The following CDK19 variants were observed in gnomAD, a reference collection of about 807,000 sequenced individuals.
CDK19 encodes the protein cyclin dependent kinase 19.
A neutral mutation model predicts 68.3 loss-of-function variants in CDK19; 20 were observed. That is an observed-to-expected ratio of 0.29 (90% CI 0.21 to 0.43). CDK19 has a LOEUF of 0.43. Among genes scored for constraint, CDK19 ranks in the 20% least tolerant of loss-of-function variants. The pLI is 1.00. For synonymous variants in CDK19, 221 were observed against 222.8 expected (o/e 0.99, Z 0.07); for missense variants, 339 against 623.5 (o/e 0.54, Z 4.86).
intron 2 of CDK19, among the ~76,000 whole-genome samples, chr6:110,708,912 G>A (rs978850395): frequency 1.3e-5 from 2 of 152,078 alleles, no homozygotes; most frequent in Admixed American, 6.6e-5. Flanking sequence ...TAAGAAATAA[G>A]CACCTAGAAA....
At chr6:110,800,672 C>G (rs1782280997) in intron 1 of CDK19, among the ~76,000 whole-genome samples, 1 of 152,200 alleles carries the variant, frequency 6.6e-6, no homozygotes, top group East Asian at 1.9e-4. Flanking sequence ...ATGTGATTCA[C>G]CACATAAACA....
chr6:110,808,218 C>T (rs1466525309), intron 1 of CDK19, among the ~76,000 whole-genome samples: 1 of 152,208 alleles, frequency 6.6e-6, no homozygotes, highest in Non-Finnish European at 1.5e-5. Flanking sequence ...TCTAATCACA[C>T]TAACTACATT....
intron 2 of CDK19, among the ~76,000 whole-genome samples, chr6:110,692,535 G>C (rs1401734595): frequency 1.3e-5 from 2 of 152,104 alleles, no homozygotes; most frequent in Admixed American, 1.3e-4. Context: ...TGAGGGAGAA[G>C]AGACAATAAA....
At chr6:110,722,680 G>A (rs1337652700) in intron 2 of CDK19, among the ~76,000 whole-genome samples, 1 of 151,836 alleles carries the variant, frequency 6.6e-6, no homozygotes, top group Non-Finnish European at 1.5e-5. Context: ...AGAATTCCTA[G>A]CCTAGGCAAC....
At chr6:110,692,890 G>A (rs187814956) in intron 2 of CDK19, among the ~76,000 whole-genome samples, 1 of 152,144 alleles carries the variant, frequency 6.6e-6, no homozygotes, top group Non-Finnish European at 1.5e-5. Context: ...CCAGCTACTT[G>A]GGAGGCTGAG....
chr6:110,667,304 C>A, intron 4 of CDK19, 130 bp downstream of exon 4: 1 of 580,132 alleles, frequency 1.7e-6, no homozygotes, highest in Non-Finnish European at 2.9e-6. Flanking sequence ...TTTTTATCTT[C>A]TTTTTTGCTT....
chr6:110,799,730 T>C (rs1049013702), intron 1 of CDK19, among the ~76,000 whole-genome samples: 1 of 152,086 alleles, frequency 6.6e-6, no homozygotes, highest in Non-Finnish European at 1.5e-5. Context: ...CCAAGTTAGC[T>C]AGGACCACAG....
chr6:110,812,085 A>C (rs775508614), intron 1 of CDK19, among the ~76,000 whole-genome samples: 44 of 152,216 alleles, frequency 2.9e-4, no homozygotes, highest in Middle Eastern at 6.8e-3. Context: ...GTTGGGTCAA[A>C]AGCCTCTCTT....
intron 6 of CDK19, among the ~76,000 whole-genome samples, chr6:110,627,354 GTA>G (rs141776550): frequency 6.6e-6 from 1 of 151,346 alleles, no homozygotes; most frequent in Non-Finnish European, 1.5e-5. Flanking sequence ...GTGTGTATGT[GTA>G]TATATATATA....
rs552178918 is a variant in CDK19, at chr6:110,729,364, C to T, written c.204+16762G>A. Among the ~76,000 whole-genome samples, 216 of 152,232 alleles carry T rather than the reference C, an allele frequency of 1.4e-3. 1 individual carries two copies. Among genetic ancestry groups the T allele is most frequent in the African/African-American group, 4.7e-3 (196 of 41,558 alleles). On this transcript the variant is annotated intron_variant, in intron 2 of 12. Transcript: ENST00000368911. The stretch of plus-strand genomic sequence containing the variant: ...ACTCATACTATGATAAATATTAAGA[C>T]ACTTTTACACTAAGATAAAGAACAG...
intron 1 of CDK19, among the ~76,000 whole-genome samples, chr6:110,759,428 A>AAAAT (rs1275389842): frequency 1.0e-3 from 51 of 50,870 alleles, no homozygotes; most frequent in African/African-American, 2.6e-3. Flanking sequence ...AAAAAAAAAA[A>AAAAT]ATATATATAT....
At chr6:110,752,751 GGA>G (rs1406732119) in intron 1 of CDK19, among the ~76,000 whole-genome samples, 1 of 151,554 alleles carries the variant, frequency 6.6e-6, no homozygotes, top group African/African-American at 2.4e-5. Flanking sequence ...GTGTATGTAT[GGA>G]GACAGGGTCT....
At chr6:110,814,790 A>T (rs868725501) in intron 1 of CDK19, 2 of 683,448 alleles carry the variant, frequency 2.9e-6, no homozygotes. Context: ...GACGCCTCGG[A>T]CCGGGCTGCG....
At chr6:110,800,761 C>G (rs1293455940) in intron 1 of CDK19, among the ~76,000 whole-genome samples, 1 of 152,058 alleles carries the variant, frequency 6.6e-6, no homozygotes, top group African/African-American at 2.4e-5. Context: ...CCCTTCATGA[C>G]AAAAATGCTC....
intron 1 of CDK19, among the ~76,000 whole-genome samples, chr6:110,778,588 T>C (rs978021023): frequency 2.6e-5 from 4 of 152,202 alleles, no homozygotes; most frequent in Non-Finnish European, 5.9e-5. Flanking sequence ...TATTACTACT[T>C]GGGTAAATTG....
At chr6:110,805,153 G>A (rs1782596513) in intron 1 of CDK19, among the ~76,000 whole-genome samples, 1 of 152,020 alleles carries the variant, frequency 6.6e-6, no homozygotes, top group Non-Finnish European at 1.5e-5. Flanking sequence ...AGCTATTACA[G>A]GAAGTGTTGG....
At chr6:110,691,883 T>A (rs1234458884) in intron 2 of CDK19, among the ~76,000 whole-genome samples, 1 of 150,744 alleles carries the variant, frequency 6.6e-6, no homozygotes, top group Non-Finnish European at 1.5e-5. Flanking sequence ...CCTGACCTTG[T>A]GATCCACCCG....
At chr6:110,697,576 C>T (rs1773587468) in intron 2 of CDK19, among the ~76,000 whole-genome samples, 1 of 151,752 alleles carries the variant, frequency 6.6e-6, no homozygotes, top group African/African-American at 2.4e-5. Context: ...GTGTAGATGA[C>T]CATATTGCCA....
intron 2 of CDK19, among the ~76,000 whole-genome samples, chr6:110,682,850 C>T (rs1035020523): frequency 6.6e-6 from 1 of 152,018 alleles, no homozygotes. Context: ...ACAGTTTCCA[C>T]AAAGAATAAA....
Sources: gnomAD v4.1 joint callset for allele counts (sites outside exome capture counted in the v4.1 genomes callset) on GRCh38, gnomAD v4.1.1 for gene constraint, MANE v1.5 for transcripts, NCBI Gene and HGNC (gene_info 2026-07-23, HGNC 2026-07-21) for gene names.